Variants in C10orf105 observed in about 807,000 individuals in gnomAD.
C10orf105 encodes chromosome 10 open reading frame 105, also known as uncharacterized protein C10orf105.
C10orf105 carries 2 observed loss-of-function variants against 0.6 expected under a neutral mutation model. The observed-to-expected ratio is 3.18, with a 90% confidence interval of 1.30 to 10.01. The LOEUF is 10.01. Among genes scored for constraint, C10orf105 ranks in the 30% most tolerant of loss-of-function variants. The pLI is 0.04. For missense variants in C10orf105, 209 were observed against 191.4 expected (o/e 1.09, Z -0.54); for synonymous variants, 95 against 82.4 (o/e 1.15, Z -0.83).
At position 71,712,527 on chromosome 10, in the gene C10orf105, TC is replaced by T. The variant is rs1287092489; in HGVS notation, c.*3408del. 1.2e-6 allele frequency: 1 copy of T among 825,682 alleles called. No homozygotes were observed. Among genetic ancestry groups the T allele is most frequent in the Non-Finnish European group, 1.9e-6 (1 of 521,088 alleles). 51.1% of individuals were successfully genotyped at this position (825,682 alleles called of 1,614,324 possible). A position where few individuals can be genotyped will look rare whatever the true frequency, so the allele number is the denominator to read the frequency against. ...TGTTATTCCTAAGCTAAAAAGGAAG[TC>T]ACCCCTTGCAAAGGCTAGGGCAGAT... On this transcript the variant is annotated 3_prime_UTR_variant, in exon 2 of 2. Transcript: ENST00000441508.
upstream of C10orf105, among the ~76,000 whole-genome samples, chr10:71,722,507 A>G (rs909823970): frequency 6.6e-6 from 1 of 152,182 alleles, no homozygotes; most frequent in African/African-American, 2.4e-5. Context: ...AGTCGTTCAC[A>G]TATTTGACCC....
chr10:71,724,864 G>A (rs1316145652), intron 1 of C10orf105, among the ~76,000 whole-genome samples: 3 of 152,242 alleles, frequency 2.0e-5, no homozygotes, highest in Admixed American at 1.3e-4. Flanking sequence ...GACAGTAGAG[G>A]AGAGTAGATC....
At chr10:71,733,538 A>G (rs560954394) in intron 1 of C10orf105, among the ~76,000 whole-genome samples, 2 of 152,232 alleles carry the variant, frequency 1.3e-5, no homozygotes, top group Admixed American at 1.3e-4. Context: ...GACTCCTATC[A>G]CCTAGGAAAT....
intron 1 of C10orf105, among the ~76,000 whole-genome samples, chr10:71,729,648 TAAAGAGTACTG>T (rs1839289231): frequency 2.0e-5 from 3 of 152,178 alleles, no homozygotes; most frequent in Non-Finnish European, 4.4e-5. Flanking sequence ...GGTGCACAAG[TAAAGAGTACTG>T]AGCACTGACA....
At chr10:71,724,806 C>T (rs940237360) in intron 1 of C10orf105, among the ~76,000 whole-genome samples, 18 of 152,214 alleles carry the variant, frequency 1.2e-4, no homozygotes, top group Non-Finnish European at 2.6e-4. Flanking sequence ...CTGATCCTCC[C>T]ACTTCTCGAA....
At chr10:71,725,300 C>G in intron 1 of C10orf105, 1 of 1,607,108 alleles carries the variant, frequency 6.2e-7, no homozygotes, top group South Asian at 1.1e-5. Context: ...CTGCCCCCAA[C>G]CATGGCAGGC....
chr10:71,725,606 G>A, intron 1 of C10orf105: 3 of 1,440,248 alleles, frequency 2.1e-6, no homozygotes, highest in Non-Finnish European at 2.8e-6. Flanking sequence ...GTTGGCGCCT[G>A]GTGTGGGCAG....
intron 1 of C10orf105, among the ~76,000 whole-genome samples, chr10:71,729,969 G>A (rs955489315): frequency 1.3e-5 from 2 of 151,858 alleles, no homozygotes; most frequent in African/African-American, 4.8e-5. Context: ...TGAGTAGCTG[G>A]GACTACAGGC....
At chr10:71,725,952 A>G (rs1356701992) in intron 1 of C10orf105, among the ~76,000 whole-genome samples, 1 of 151,206 alleles carries the variant, frequency 6.6e-6, no homozygotes, top group Non-Finnish European at 1.5e-5. Flanking sequence ...TCTGAATCCA[A>G]GTTCAGTGCC....
rs758181864 is a variant in C10orf105, at chr10:71,734,315, G to A, written c.-6+3413C>T. ...TACCTTGACAGTGGTGGCAGATGAC[G>A]GCGGCCCCAAGGTGGACTCCACCGT... On this transcript the variant is annotated intron_variant, in intron 1 of 1. Transcript: ENST00000398786. The A allele has an allele frequency of 6.5e-5, 104 of 1,611,148 alleles. No homozygotes were observed. Among genetic ancestry groups the A allele is most frequent in the South Asian group, 8.8e-5 (8 of 90,430 alleles).
At chr10:71,734,410 G>A (rs1589384476) in intron 1 of C10orf105, 1 of 1,510,770 alleles carries the variant, frequency 6.6e-7, no homozygotes, top group Non-Finnish European at 9.0e-7. Flanking sequence ...CCTAACCCAT[G>A]TCCTCGCCAG....
upstream of C10orf105, among the ~76,000 whole-genome samples, chr10:71,724,516 A>T (rs1866720706): frequency 6.6e-6 from 1 of 152,160 alleles, no homozygotes; most frequent in Non-Finnish European, 1.5e-5. Flanking sequence ...GTTAGCCAGG[A>T]TGGCCTTGAT....
chr10:71,718,363 T>C (rs73275832), intron 1 of C10orf105, among the ~76,000 whole-genome samples: 5,762 of 136,488 alleles, frequency 0.042, 380 homozygotes, highest in African/African-American at 0.14. Flanking sequence ...CTCCCACCCA[T>C]TCCCCACCAC....
Position 71,712,982 on chromosome 10 carries a change from C to T in C10orf105, c.*2954G>A. The T allele has an allele frequency of 2.4e-6, 2 of 831,416 alleles. No homozygotes were observed. Among genetic ancestry groups the T allele is most frequent in the Non-Finnish European group, 4.0e-6 (2 of 497,542 alleles). The allele number at this position is 831,416 out of a possible 1,614,324, so 51.5% of individuals were successfully genotyped here. ...GGGAAAGGGGGACCCAGGCCCTCTC[C>T]CATCCCAGGGAGTGTGGGCCCCCAG... On this transcript the variant is annotated 3_prime_UTR_variant, in exon 2 of 2. Coordinates refer to ENST00000441508, the MANE Select transcript of C10orf105 (RefSeq NM_001164375.3).
chr10:71,731,695 T>C (rs979062245), intron 1 of C10orf105, among the ~76,000 whole-genome samples: 4 of 151,830 alleles, frequency 2.6e-5, no homozygotes, highest in African/African-American at 4.8e-5. Flanking sequence ...CAAAGGGAGG[T>C]ACATGAGCTT....
At chr10:71,722,700 T>C (rs1156649159), upstream of C10orf105, among the ~76,000 whole-genome samples, 1 of 152,044 alleles carries the variant, frequency 6.6e-6, no homozygotes, top group East Asian at 1.9e-4. Flanking sequence ...GGGAGGGTCT[T>C]AGGAGAAGAT....
At chr10:71,723,989 C>G, upstream of C10orf105, 1 of 1,542,846 alleles carries the variant, frequency 6.5e-7, no homozygotes, top group Non-Finnish European at 8.8e-7. Context: ...CTAAAAACCT[C>G]TTCTCTCCCT....
chr10:71,716,205 T>TG lies in C10orf105; in HGVS notation c.132dup (p.Ile45HisfsTer40). 2.6e-6 allele frequency: 4 copies of TG among 1,551,104 alleles called. No homozygotes were observed. The highest frequency in any genetic ancestry group is 3.5e-6 in the Non-Finnish European group (4 of 1,146,794). On this transcript the variant is annotated frameshift_variant, in exon 2 of 2. Transcript: ENST00000441508. LOFTEE classifies it high-confidence loss of function. ...AGACAGGTGGCCAGCAGGAGGAAGA[T>TG]GCAGGCCAGGGCGATGAGCATGGGG...
chr10:71,725,326 C>T (rs1438439996), intron 1 of C10orf105: 1 of 1,613,926 alleles, frequency 6.2e-7, no homozygotes, highest in Non-Finnish European at 8.5e-7. Context: ...CAGCAGGAGA[C>T]TTCTGGGCAG....
Sources: allele counts gnomAD v4.1 joint callset (sites outside exome capture counted in the v4.1 genomes callset), GRCh38; gene constraint gnomAD v4.1.1; transcripts MANE v1.5; gene names NCBI Gene and HGNC (gene_info 2026-07-23, HGNC 2026-07-21).